C7orf78: variants seen among roughly 807,000 people sequenced by gnomAD.
C7orf78 encodes the protein putative uncharacterized protein C7orf78.
At chr7:12,503,628 C>A in the C7orf78 span, among the ~76,000 whole-genome samples, 1 of 149,924 alleles carries the variant, frequency 6.7e-6, no homozygotes, top group African/African-American at 2.5e-5. Context: ...TTTAATTATA[C>A]TTTAAGTTTT....
the C7orf78 span, among the ~76,000 whole-genome samples, chr7:12,518,099 A>C: frequency 4.6e-5 from 7 of 152,182 alleles, no homozygotes; most frequent in Admixed American, 1.3e-4. Flanking sequence ...GAATGTGTGC[A>C]GTAGTGTAGT....
chr7:12,531,236 G>A, the C7orf78 span: 4 of 392,604 alleles, frequency 1.0e-5, no homozygotes, highest in East Asian at 3.6e-5. Flanking sequence ...GTTGCATGGT[G>A]CTTAACTGTT....
the C7orf78 span, among the ~76,000 whole-genome samples, chr7:12,494,839 T>G: frequency 6.6e-6 from 1 of 152,170 alleles, no homozygotes; most frequent in Non-Finnish European, 1.5e-5. Flanking sequence ...GCTTTCAAAC[T>G]CAACCTACCA....
At chr7:12,532,761 T>A in the C7orf78 span, among the ~76,000 whole-genome samples, 6 of 152,072 alleles carry the variant, frequency 3.9e-5, no homozygotes, top group African/African-American at 1.4e-4. Flanking sequence ...CAATATAAAA[T>A]ATATATAATG....
the C7orf78 span, among the ~76,000 whole-genome samples, chr7:12,496,054 TAGGTGCAACTAC>T: frequency 2.6e-5 from 4 of 151,968 alleles, no homozygotes; most frequent in South Asian, 6.2e-4. Context: ...GCCTCCAGAG[TAGGTGCAACTAC>T]AGGTGCCCGC....
the C7orf78 span, among the ~76,000 whole-genome samples, chr7:12,493,157 T>C: frequency 6.6e-6 from 1 of 152,192 alleles, no homozygotes; most frequent in Non-Finnish European, 1.5e-5. Flanking sequence ...GATTGTGCTA[T>C]TGCACTCTAG....
At chr7:12,504,433 C>A in the C7orf78 span, 3 of 152,124 alleles carry the variant, frequency 2.0e-5, no homozygotes, top group African/African-American at 7.2e-5. Flanking sequence ...TATACTTTAG[C>A]TTCTTTTGTA....
At chr7:12,522,840 C>T in the C7orf78 span, 21,337 of 395,436 alleles carry the variant, frequency 0.054, 713 homozygotes, top group African/African-American at 0.12. Context: ...CTCCTCCATA[C>T]ATATTCCCTG....
chr7:12,530,255 A>G, the C7orf78 span: 3 of 152,168 alleles, frequency 2.0e-5, no homozygotes, highest in Non-Finnish European at 2.9e-5. Context: ...TTCAGAGACA[A>G]TAGATGTGGA....
chr7:12,496,804 G>C, the C7orf78 span, among the ~76,000 whole-genome samples: 1 of 151,998 alleles, frequency 6.6e-6, no homozygotes, highest in Admixed American at 6.6e-5. Flanking sequence ...AAAACAATGA[G>C]GCATAAATCA....
the C7orf78 span, chr7:12,541,271 T>C: frequency 6.6e-6 from 1 of 152,174 alleles, no homozygotes; most frequent in Admixed American, 6.5e-5. Flanking sequence ...CAAACAACAA[T>C]AATGCTTACT....
chr7:12,505,154 A>G, the C7orf78 span, among the ~76,000 whole-genome samples: 3 of 152,102 alleles, frequency 2.0e-5, no homozygotes, highest in African/African-American at 7.2e-5. Flanking sequence ...TTCTTTATTT[A>G]GAAAAAAATA....
At chr7:12,513,717 T>A in the C7orf78 span, among the ~76,000 whole-genome samples, 1 of 152,182 alleles carries the variant, frequency 6.6e-6, no homozygotes, top group Admixed American at 6.5e-5. Flanking sequence ...ATGCCTATTC[T>A]GGGCCGGGCG....
At chr7:12,496,031 T>G in the C7orf78 span, among the ~76,000 whole-genome samples, 1 of 152,210 alleles carries the variant, frequency 6.6e-6, no homozygotes, top group South Asian at 2.1e-4. Flanking sequence ...GTTCACGCCA[T>G]TCTCTTGCCT....
the C7orf78 span, among the ~76,000 whole-genome samples, chr7:12,484,891 C>T: frequency 9.9e-5 from 15 of 152,008 alleles, no homozygotes; most frequent in Non-Finnish European, 1.8e-4. Context: ...CCAAATTTGC[C>T]TCTGTTCTAT....
chr7:12,496,548 A>G, the C7orf78 span: 36 of 152,338 alleles, frequency 2.4e-4, no homozygotes, highest in African/African-American at 6.5e-4. Context: ...CTCAAGCTTC[A>G]GAGACCTTCC....
the C7orf78 span, chr7:12,525,671 G>A: frequency 2.7e-6 from 1 of 375,646 alleles, no homozygotes; most frequent in African/African-American, 2.1e-5. Context: ...TCATAAACAA[G>A]TTTTAAATGC....
chr7:12,540,323 C>A, the C7orf78 span, among the ~76,000 whole-genome samples: 1 of 152,202 alleles, frequency 6.6e-6, no homozygotes, highest in Non-Finnish European at 1.5e-5. Flanking sequence ...CTATTCTACC[C>A]TACTGGTGCT....
At chr7:12,512,315 G>C in the C7orf78 span, among the ~76,000 whole-genome samples, 1 of 152,082 alleles carries the variant, frequency 6.6e-6, no homozygotes, top group Non-Finnish European at 1.5e-5. Context: ...TATCATGTTA[G>C]CTGTGGGTTT....
Sources: gnomAD v4.1 joint callset for allele counts (sites outside exome capture counted in the v4.1 genomes callset) on GRCh38, gnomAD v4.1.1 for gene constraint, MANE v1.5 for transcripts, NCBI Gene and HGNC (gene_info 2026-07-23, HGNC 2026-07-21) for gene names.